ZNF335: variants seen among roughly 807,000 people sequenced by gnomAD.
The protein encoded by ZNF335 is zinc finger protein 335, also known as NRC-interacting factor 1.
Under a neutral mutation model 145.6 loss-of-function variants are expected in ZNF335, and 84 were observed. That is an observed-to-expected ratio of 0.58 (90% CI 0.48 to 0.69). The LOEUF (loss-of-function observed/expected upper bound fraction) is 0.69, where lower values mean the gene tolerates loss of function less well. Ranked by LOEUF, ZNF335 falls within the 30% of genes least tolerant of loss-of-function variation. The pLI, the probability that ZNF335 is intolerant of heterozygous loss-of-function variation, is 0.00. For synonymous variants in ZNF335, 761 were observed against 717.0 expected, an observed-to-expected ratio of 1.06 and a Z score of -0.98; for missense variants, 1,865 against 1,809.7, an observed-to-expected ratio of 1.03 and a Z score of -0.55.
At chr20:45,949,101 A>G in intron 27 of ZNF335, 21 bp from the exon 28 acceptor site, 1 of 1,613,662 alleles carries the variant, frequency 6.2e-7, no homozygotes, top group Non-Finnish European at 8.5e-7. Context: ...AGGGGAAAGT[A>G]TGGTGAGCTG....
rs2083832777 is a variant in ZNF335 at position 45,960,949 on chromosome 20, G to A, written c.1647-67C>T. On this transcript the variant is annotated intron_variant, in intron 10 of 27. Coordinates refer to ENST00000322927, the MANE Select transcript of ZNF335 (RefSeq NM_022095.4). ...AGCCCACTCTAGACCCTCTCACACT[G>A]AACAGACCCAGCCTCAGCTATGAGC... The A allele has an allele frequency of 2.5e-6, 4 of 1,598,374 alleles. No homozygotes were observed. In the Admixed American group the frequency reaches 5.2e-5, roughly 21 times the overall value.
chr20:45,966,412 C>A (rs1184126177), intron 6 of ZNF335, among the ~76,000 whole-genome samples: 1 of 151,886 alleles, frequency 6.6e-6, no homozygotes, highest in Non-Finnish European at 1.5e-5. Flanking sequence ...TGACTGCATA[C>A]TGAAATATTT....
chr20:45,960,165 C>A, intron 14 of ZNF335, 43 bp downstream of exon 14: 1 of 1,608,210 alleles, frequency 6.2e-7, no homozygotes, highest in Non-Finnish European at 8.5e-7. Flanking sequence ...GGGTACAGGG[C>A]ACTGAGGGCT....
rs1449059571 is a variant in ZNF335 at position 45,952,604 on chromosome 20, G to A, written c.2808C>T (p.His936=). The part of the protein sequence containing the change: ...IMATDGTQLH[H]IELTADGSIS... ...TGGCATCCCCAAGCCTCACCTCAAT[G>A]TGGTGCAACTGGGTACCATCAGTAG... The change falls in exon 19 of 28, where the codon CAC becomes CAT. Residue 936 remains histidine, a synonymous_variant. Coordinates refer to ENST00000322927, the MANE Select transcript of ZNF335 (RefSeq NM_022095.4). The A allele has an allele frequency of 6.2e-7, 1 of 1,613,970 alleles. No individual in the cohort carries two copies.
chr20:45,964,888 C>T (rs1600543173), intron 7 of ZNF335, among the ~76,000 whole-genome samples: 2 of 151,698 alleles, frequency 1.3e-5, no homozygotes, highest in African/African-American at 2.4e-5. Context: ...AAAATTAAGT[C>T]GGTGTGGTGG....
chr20:45,971,681 C>T, intron 1 of ZNF335: 1 of 985,474 alleles, frequency 1.0e-6, no homozygotes, highest in Non-Finnish European at 1.2e-6. Context: ...TGGTCAATGG[C>T]TGGTAATCTT....
chr20:45,952,953 G>A (rs954993903), intron 18 of ZNF335, among the ~76,000 whole-genome samples: 11 of 152,318 alleles, frequency 7.2e-5, no homozygotes, highest in African/African-American at 1.9e-4. Flanking sequence ...CAAACATGGC[G>A]AGGTGGGGGG....
At position 45,957,910 on chromosome 20, in the gene ZNF335, T is replaced by A. The variant is rs754134540; in HGVS notation, c.2272A>T (p.Thr758Ser). The A allele has an allele frequency of 1.2e-6, 2 of 1,614,008 alleles. No homozygotes were observed. The highest frequency in any genetic ancestry group is 2.2e-5 in the South Asian group (2 of 91,078). ...GPPEIPPEAT[T>S]FQSSEAPSLL... ...GAGGGAGCCTCAGATGACTGGAAAG[T>A]TGTCGCCTCTGGGGGTATCTATGGG... The change falls in exon 16 of 28, where the codon ACT becomes TCT. Residue 758 changes from threonine to serine, a missense_variant. Thr to Ser is a moderately conservative substitution (Grantham distance 58). Transcript: ENST00000322927.
intron 7 of ZNF335, among the ~76,000 whole-genome samples, chr20:45,965,070 AC>A (rs1375639205): frequency 1.7e-3 from 254 of 149,052 alleles, no homozygotes; most frequent in African/African-American, 5.1e-3. Context: ...TAATAATAAT[AC>A]AACAACTCTC....
intron 14 of ZNF335, 32 bp downstream of exon 14, chr20:45,960,176 G>C: frequency 3.7e-6 from 6 of 1,612,040 alleles, no homozygotes; most frequent in Non-Finnish European, 5.1e-6. Context: ...ACTGAGGGCT[G>C]GTGAGTGGGG....
Position 45,949,182 on chromosome 20 carries a change from AGT to A in ZNF335, c.3887_3888del (p.His1296LeufsTer8), listed in dbSNP as rs2083580226. 19 of 1,613,700 alleles carry A rather than the reference AGT, an allele frequency of 1.2e-5. No individual in the cohort carries two copies. The highest frequency in any genetic ancestry group is 3.3e-4 in the Middle Eastern group (2 of 6,062). On this transcript the variant is annotated frameshift_variant, in exon 27 of 28. Transcript: ENST00000322927. LOFTEE classifies it high-confidence loss of function. ...VTQAQLEAAA[H>X]SAVTAVADAA... ...TCCAGCTCCATACCTGTGACAGCTG[AGT>A]GTGCTGCAGCCTCAAGTTGAGCCTG...
At chr20:45,966,543 T>C (rs1274028524) in intron 6 of ZNF335, among the ~76,000 whole-genome samples, 1 of 146,838 alleles carries the variant, frequency 6.8e-6, no homozygotes, top group Non-Finnish European at 1.5e-5. Context: ...CTCTGTTTCT[T>C]TTTCTTTCTT....
intron 15 of ZNF335, 95 bp downstream of exon 15, chr20:45,959,106 G>A (rs1795400284): frequency 9.6e-7 from 1 of 1,041,810 alleles, no homozygotes; most frequent in Non-Finnish European, 1.3e-6. Context: ...GTCTCAAGAG[G>A]CAGGGATTAT....
chr20:45,951,271 C>G (rs1323204642), intron 20 of ZNF335, among the ~76,000 whole-genome samples: 1 of 152,218 alleles, frequency 6.6e-6, no homozygotes, highest in Non-Finnish European at 1.5e-5. Flanking sequence ...GCCCTGCTTC[C>G]CTCTCCAACC....
intron 9 of ZNF335, 152 bp downstream of exon 9, chr20:45,963,321 G>C (rs2083885872): frequency 2.2e-6 from 2 of 926,988 alleles, no homozygotes; most frequent in Non-Finnish European, 3.2e-6. Flanking sequence ...GCGTTCTTCG[G>C]TACGCCAGTG....
chr20:45,956,345 C>T (rs992558113), intron 17 of ZNF335, among the ~76,000 whole-genome samples: 1 of 151,990 alleles, frequency 6.6e-6, no homozygotes, highest in African/African-American at 2.4e-5. Context: ...TCTCCTGCCT[C>T]GGCCTCCCGA....
intron 17 of ZNF335, 76 bp from the exon 18 acceptor site, chr20:45,954,024 C>T: frequency 2.0e-6 from 3 of 1,485,058 alleles, no homozygotes; most frequent in South Asian, 2.7e-5. Context: ...TCCCCCATCT[C>T]AGTGTCCCAG....
At position 45,952,166 on chromosome 20, in the gene ZNF335, CGGGCACTGAAGGGGCAGTCG is replaced by C. The variant is rs774253711; in HGVS notation, c.3150_3169del (p.Asp1051ProfsTer21). 5.0e-6 allele frequency: 8 copies of C among 1,604,920 alleles called. No homozygotes were observed. The highest frequency in any genetic ancestry group is 6.0e-6 in the Non-Finnish European group (7 of 1,174,402). Reference sequence around the variant, plus strand: ...ACCTACCCGGACCTCGGGCCACTGGCGGGCACTGAAGGGGCAGTCGGGGCACTTGAAGGCACCAGGCCCAG... The same window carrying C: ...ACCTACCCGGACCTCGGGCCACTGGCGGGCACTTGAAGGCACCAGGCCCAG... On this transcript the variant is annotated frameshift_variant, in exon 20 of 28. Coordinates refer to ENST00000322927, the MANE Select transcript of ZNF335 (RefSeq NM_022095.4). LOFTEE classifies it high-confidence loss of function.
At chr20:45,954,642 G>A (rs765063025) in intron 17 of ZNF335, among the ~76,000 whole-genome samples, 2 of 151,956 alleles carry the variant, frequency 1.3e-5, no homozygotes, top group Non-Finnish European at 2.9e-5. Context: ...TGGAGCTCCT[G>A]CAAAGCAATA....
Sources: allele counts gnomAD v4.1 joint callset (sites outside exome capture counted in the v4.1 genomes callset), GRCh38; gene constraint gnomAD v4.1.1; transcripts MANE v1.5; gene names NCBI Gene and HGNC (gene_info 2026-07-23, HGNC 2026-07-21).